The following NSUN6 variants were observed in gnomAD, a reference collection of about 807,000 sequenced individuals.
NSUN6 encodes the protein tRNA (cytosine(72)-C(5))-methyltransferase NSUN6.
NSUN6 carries 64 observed loss-of-function variants against 58.0 expected under a neutral mutation model. The ratio of observed to expected loss-of-function variants is 1.10; its 90% confidence interval spans 0.90 to 1.36. The LOEUF (loss-of-function observed/expected upper bound fraction) is 1.36, where lower values mean the gene tolerates loss of function less well. NSUN6 is among the 40% of genes most tolerant of loss of function. NSUN6 has a pLI of 0.00. For missense variants in NSUN6, 701 were observed against 550.1 expected (o/e 1.27, Z -2.74); for synonymous variants, 231 against 193.9 (o/e 1.19, Z -1.59).
intron 6 of NSUN6, among the ~76,000 whole-genome samples, chr10:18,599,239 A>G (rs1048816281): frequency 6.6e-6 from 1 of 152,080 alleles, no homozygotes; most frequent in African/African-American, 2.4e-5. Context: ...GGGTAGCACT[A>G]TATCACTTCT....
intron 4 of NSUN6, among the ~76,000 whole-genome samples, 174 bp from the exon 5 acceptor site, chr10:18,614,787 T>C (rs2058353308): frequency 6.6e-6 from 1 of 152,124 alleles, no homozygotes; most frequent in Non-Finnish European, 1.5e-5. Flanking sequence ...CTTTAAAATA[T>C]TCCATAACAA....
At chr10:18,615,663 A>T (rs996722811) in intron 4 of NSUN6, among the ~76,000 whole-genome samples, 1 of 152,238 alleles carries the variant, frequency 6.6e-6, no homozygotes, top group Admixed American at 6.5e-5. Context: ...TGAGGCCCAG[A>T]GACGGAATAC....
At chr10:18,656,646 C>T (rs948536128), upstream of NSUN6, among the ~76,000 whole-genome samples, 1 of 152,106 alleles carries the variant, frequency 6.6e-6, no homozygotes, top group Non-Finnish European at 1.5e-5. Context: ...GTAATAGTTC[C>T]TTTTAAAAAC....
At chr10:18,623,500 C>A (rs1198123200) in intron 3 of NSUN6, among the ~76,000 whole-genome samples, 1 of 152,142 alleles carries the variant, frequency 6.6e-6, no homozygotes, top group African/African-American at 2.4e-5. Flanking sequence ...AAAGGAGAGG[C>A]TCCTGGAGGC....
At chr10:18,656,243 G>A (rs201477979), upstream of NSUN6, among the ~76,000 whole-genome samples, 2 of 152,102 alleles carry the variant, frequency 1.3e-5, no homozygotes, top group East Asian at 3.9e-4. Flanking sequence ...AAATCACAAT[G>A]GGCATTACCT....
At chr10:18,563,271 G>A (rs1014804889) in intron 8 of NSUN6, among the ~76,000 whole-genome samples, 12 of 150,758 alleles carry the variant, frequency 8.0e-5, no homozygotes, top group African/African-American at 2.2e-4. Flanking sequence ...GGAAGGGAAG[G>A]GAATGGAGAA....
intron 8 of NSUN6, among the ~76,000 whole-genome samples, chr10:18,567,600 CATTCCATTCTCT>C (rs1404805473): frequency 6.7e-5 from 10 of 149,702 alleles, no homozygotes; most frequent in African/African-American, 1.5e-4. Context: ...TTCCATTCTC[CATTCCATTCTCT>C]ATTCCATTCC....
chr10:18,582,947 A>G (rs2056969601), intron 8 of NSUN6, among the ~76,000 whole-genome samples: 1 of 152,124 alleles, frequency 6.6e-6, no homozygotes, highest in Non-Finnish European at 1.5e-5. Flanking sequence ...GTTACGATGT[A>G]TTTGTCAGGC....
At chr10:18,596,009 T>C (rs1385227472) in intron 7 of NSUN6, among the ~76,000 whole-genome samples, 199 bp downstream of exon 7, 2 of 152,222 alleles carry the variant, frequency 1.3e-5, no homozygotes, top group Admixed American at 1.3e-4. Flanking sequence ...AATTGTAAAA[T>C]TCAAGACGGT....
At chr10:18,577,195 T>C (rs1276844114) in intron 8 of NSUN6, among the ~76,000 whole-genome samples, 2 of 152,292 alleles carry the variant, frequency 1.3e-5, no homozygotes, top group Non-Finnish European at 2.9e-5. Flanking sequence ...TTAGACATGA[T>C]ATTAGCAGAA....
chr10:18,588,892 G>A (rs2057274264), intron 7 of NSUN6, among the ~76,000 whole-genome samples: 1 of 152,118 alleles, frequency 6.6e-6, no homozygotes, highest in Admixed American at 6.6e-5. Flanking sequence ...TCTCCAGCAA[G>A]GGCACAAAAC....
Position 18,548,092 on chromosome 10 carries a change from A to G in NSUN6, c.1197+20T>C, listed in dbSNP as rs1231701511. 6.2e-7 allele frequency: 1 copy of G among 1,612,050 alleles called. No individual in the cohort carries two copies. The highest frequency in any genetic ancestry group is 1.7e-5 in the Admixed American group (1 of 59,814). ...CTGTGATTTATCTTATTACACAGAG[A>G]AAAATGAAATTACTCCTACCTGGGG... On this transcript the variant is annotated intron_variant, in intron 10 of 10. Coordinates refer to ENST00000377304, the MANE Select transcript of NSUN6 (RefSeq NM_182543.5).
intron 3 of NSUN6, among the ~76,000 whole-genome samples, chr10:18,632,192 G>T (rs1172621356): frequency 1.3e-5 from 2 of 152,026 alleles, no homozygotes; most frequent in Non-Finnish European, 2.9e-5. Flanking sequence ...TGGCAAAACT[G>T]GCTAGCCATA....
At chr10:18,641,077 G>C (rs1422576974) in intron 3 of NSUN6, among the ~76,000 whole-genome samples, 2 of 151,944 alleles carry the variant, frequency 1.3e-5, no homozygotes, top group Admixed American at 6.6e-5. Flanking sequence ...ATTTGCTTTT[G>C]ATACTTAAAA....
At chr10:18,550,523 C>G (rs184980957) in intron 9 of NSUN6, among the ~76,000 whole-genome samples, 11 of 152,120 alleles carry the variant, frequency 7.2e-5, no homozygotes, top group African/African-American at 2.7e-4. Context: ...CCTATACACG[C>G]TGAAATCCAC....
intron 8 of NSUN6, among the ~76,000 whole-genome samples, chr10:18,571,875 T>G (rs1365832411): frequency 6.6e-6 from 1 of 150,650 alleles, no homozygotes; most frequent in African/African-American, 2.4e-5. Context: ...CATTCCATTC[T>G]ATTCTCCATT....
chr10:18,637,307 A>G (rs1189180396), intron 3 of NSUN6, among the ~76,000 whole-genome samples: 1 of 152,218 alleles, frequency 6.6e-6, no homozygotes. Flanking sequence ...ACAATCCTAA[A>G]TAATTTTTTC....
intron 6 of NSUN6, among the ~76,000 whole-genome samples, chr10:18,603,694 C>A (rs1170212323): frequency 6.6e-6 from 1 of 152,090 alleles, no homozygotes; most frequent in Non-Finnish European, 1.5e-5. Flanking sequence ...CTGCGCTGGT[C>A]TCAAACTCCT....
At chr10:18,573,860 A>T (rs1190388907) in intron 8 of NSUN6, among the ~76,000 whole-genome samples, 1 of 152,160 alleles carries the variant, frequency 6.6e-6, no homozygotes, top group Non-Finnish European at 1.5e-5. Context: ...AGAACTCGGG[A>T]AATTTTTAGG....
Sources: gnomAD v4.1 joint callset for allele counts (sites outside exome capture counted in the v4.1 genomes callset) on GRCh38, gnomAD v4.1.1 for gene constraint, MANE v1.5 for transcripts, NCBI Gene and HGNC (gene_info 2026-07-23, HGNC 2026-07-21) for gene names.